UHRF2: variants seen among roughly 807,000 people sequenced by gnomAD.
The protein encoded by UHRF2 is ubiquitin like with PHD and ring finger domains 2, also known as E3 ubiquitin-protein ligase UHRF2.
A neutral mutation model predicts 96.8 loss-of-function variants in UHRF2; 23 were observed. The observed-to-expected ratio is 0.24, with a 90% CI of 0.17 to 0.34. The LOEUF (loss-of-function observed/expected upper bound fraction) is 0.34. UHRF2 is among the 10% of genes least tolerant of loss of function. The pLI, the probability that UHRF2 is intolerant of heterozygous loss-of-function variation, is 1.00. For synonymous variants in UHRF2, 385 were observed against 332.6 expected, an observed-to-expected ratio of 1.16 and a Z score of -1.72; for missense variants, 685 against 981.5, an observed-to-expected ratio of 0.70 and a Z score of 4.04.
intron 1 of UHRF2, among the ~76,000 whole-genome samples, chr9:6,419,671 A>C (rs1048508158): frequency 1.3e-5 from 2 of 152,344 alleles, no homozygotes; most frequent in South Asian, 4.1e-4. Context: ...TTGAGAAATT[A>C]AATCTAGTTT....
intron 4 of UHRF2, among the ~76,000 whole-genome samples, chr9:6,470,066 A>G (rs1013494536): frequency 6.6e-6 from 1 of 152,132 alleles, no homozygotes; most frequent in African/African-American, 2.4e-5. Flanking sequence ...GGCATGTGAA[A>G]ATACTAATTT....
intron 9 of UHRF2, among the ~76,000 whole-genome samples, chr9:6,493,610 A>G (rs559614133): frequency 6.6e-6 from 1 of 152,218 alleles, no homozygotes; most frequent in Non-Finnish European, 1.5e-5. Context: ...GAGATGTTGA[A>G]AAGTATAATT....
At chr9:6,481,143 A>G (rs1823902401) in intron 6 of UHRF2, among the ~76,000 whole-genome samples, 1 of 152,242 alleles carries the variant, frequency 6.6e-6, no homozygotes, top group Admixed American at 6.5e-5. Context: ...ACAAACAAGC[A>G]TAAGCAATTA....
chr9:6,478,313 C>G (rs1366984816), intron 6 of UHRF2, among the ~76,000 whole-genome samples: 1 of 152,154 alleles, frequency 6.6e-6, no homozygotes, highest in Non-Finnish European at 1.5e-5. Flanking sequence ...GATACTAATC[C>G]TTCAGCTTTT....
intron 9 of UHRF2, among the ~76,000 whole-genome samples, chr9:6,489,947 A>T (rs1296154945): frequency 6.6e-6 from 1 of 152,182 alleles, no homozygotes; most frequent in East Asian, 1.9e-4. Context: ...AAATGGAAAT[A>T]TTTAGGTTCA....
At chr9:6,478,566 A>AT (rs1658888376) in intron 6 of UHRF2, among the ~76,000 whole-genome samples, 1 of 152,216 alleles carries the variant, frequency 6.6e-6, no homozygotes, top group African/African-American at 2.4e-5. Context: ...AGTTATTAGA[A>AT]AAGAGACTGG....
At chr9:6,480,971 A>G (rs980921511) in intron 6 of UHRF2, among the ~76,000 whole-genome samples, 2 of 152,216 alleles carry the variant, frequency 1.3e-5, no homozygotes, top group Non-Finnish European at 2.9e-5. Flanking sequence ...GGCAGTAGCC[A>G]TTAGATCTTT....
rs142163039 is a variant in UHRF2 at position 6,489,895 on chromosome 9, G to A, written c.1497+2970G>A. Among the ~76,000 whole-genome samples the A allele has an allele frequency of 3.9e-5, 6 of 152,176 alleles. 1 individual carries two copies. The East Asian group carries it at 9.7e-4, about 24-fold the overall frequency. On this transcript the variant is annotated intron_variant, in intron 9 of 15. Transcript: ENST00000276893. ...AAAGCGTGCTGGCTTTCTGAAAGGC[G>A]GATTTGGCAGTGCATTTACATTAAC...
chr9:6,413,711 C>A, intron 1 of UHRF2, 68 bp downstream of exon 1: 2 of 1,401,386 alleles, frequency 1.4e-6, no homozygotes, highest in South Asian at 1.5e-5. Flanking sequence ...CTGGACGCAC[C>A]GGTCCGAGGG....
rs541878969 is a variant in UHRF2, at chr9:6,440,230, T to C, written c.644+6057T>C. On this transcript the variant is annotated intron_variant, in intron 3 of 15. Coordinates refer to ENST00000276893, the MANE Select transcript of UHRF2 (RefSeq NM_152896.3). ...GCAGTCATTTCATTAGTGTTTTTAA[T>C]AATATCTGTGGCATAGCTTATGATA... Among the ~76,000 whole-genome samples, 7 of 152,270 alleles carry C rather than the reference T, an allele frequency of 4.6e-5. No homozygotes were observed. The South Asian group carries it at 1.5e-3, about 32-fold the overall frequency.
intron 3 of UHRF2, among the ~76,000 whole-genome samples, chr9:6,451,475 T>TTTGTTTG (rs1821858603): frequency 6.8e-6 from 1 of 146,274 alleles, no homozygotes. Context: ...TGTTTTTTTT[T>TTTGTTTG]TTTGTTTGTT....
intron 2 of UHRF2, among the ~76,000 whole-genome samples, chr9:6,422,199 C>G (rs1819967836): frequency 6.6e-6 from 1 of 152,224 alleles, no homozygotes; most frequent in Non-Finnish European, 1.5e-5. Context: ...TCTCTTGCCT[C>G]TGCCTCCTAA....
At chr9:6,447,031 G>A (rs1212282285) in intron 3 of UHRF2, among the ~76,000 whole-genome samples, 1 of 151,924 alleles carries the variant, frequency 6.6e-6, no homozygotes, top group Non-Finnish European at 1.5e-5. Context: ...TGGGACCACA[G>A]GTGCCTGCTA....
At chr9:6,434,197 C>G in intron 3 of UHRF2, 24 bp downstream of exon 3, 1 of 1,577,908 alleles carries the variant, frequency 6.3e-7, no homozygotes, top group Non-Finnish European at 8.6e-7. Context: ...CTATTGAGGA[C>G]TTTATTCATA....
chr9:6,494,545 G>A (rs933300287), intron 10 of UHRF2: 1 of 152,018 alleles, frequency 6.6e-6, no homozygotes, highest in Non-Finnish European at 1.5e-5. Flanking sequence ...CTCAGCTCCC[G>A]TGGGTACAGA....
intron 3 of UHRF2, among the ~76,000 whole-genome samples, chr9:6,455,923 G>T (rs867517087): frequency 1.3e-5 from 2 of 152,158 alleles, no homozygotes; most frequent in Non-Finnish European, 2.9e-5. Flanking sequence ...GGCCAAGGCT[G>T]CAGCGGGCAT....
intron 15 of UHRF2, 90 bp downstream of exon 15, chr9:6,504,781 C>T (rs1479419306): frequency 2.7e-5 from 27 of 1,010,426 alleles, no homozygotes; most frequent in South Asian, 1.7e-4. Context: ...AAGCATTTTC[C>T]GTGAAGCGGG....
intron 3 of UHRF2, among the ~76,000 whole-genome samples, chr9:6,436,658 G>A (rs1820864008): frequency 6.6e-6 from 1 of 152,172 alleles, no homozygotes; most frequent in South Asian, 2.1e-4. Context: ...TACAGTTTTA[G>A]GGGCTCTTAA....
intron 5 of UHRF2, among the ~76,000 whole-genome samples, chr9:6,476,192 T>C: frequency 6.6e-6 from 1 of 152,228 alleles, no homozygotes; most frequent in Non-Finnish European, 1.5e-5. Context: ...GTTTCATCCA[T>C]GTTGTAAATG....
Sources: allele counts gnomAD v4.1 joint callset (sites outside exome capture counted in the v4.1 genomes callset), GRCh38; gene constraint gnomAD v4.1.1; transcripts MANE v1.5; gene names NCBI Gene and HGNC (gene_info 2026-07-23, HGNC 2026-07-21).